Variants in FOLH1 observed in about 807,000 individuals in gnomAD.
FOLH1 encodes glutamate carboxypeptidase 2.
Under a neutral mutation model 93.9 loss-of-function variants are expected in FOLH1, and 54 were observed. That is an observed-to-expected ratio of 0.57 (90% CI 0.46 to 0.72). The LOEUF (loss-of-function observed/expected upper bound fraction) is 0.72. Among genes scored for constraint, FOLH1 ranks in the 30% least tolerant of loss-of-function variants. FOLH1 has a pLI of 0.00. For missense variants in FOLH1, 571 were observed against 892.5 expected, an observed-to-expected ratio of 0.64 and a Z score of 4.59; for synonymous variants, 249 against 303.6, an observed-to-expected ratio of 0.82 and a Z score of 1.87.
At chr11:49,206,592 T>C (rs1252252261) in intron 1 of FOLH1, among the ~76,000 whole-genome samples, 1 of 152,230 alleles carries the variant, frequency 6.6e-6, no homozygotes, top group East Asian at 1.9e-4. Flanking sequence ...TTTAATACAT[T>C]TTTATAACGA....
chr11:49,155,798 A>G (rs1487810547), intron 15 of FOLH1, among the ~76,000 whole-genome samples: 2 of 59,016 alleles, frequency 3.4e-5, no homozygotes, highest in African/African-American at 2.5e-4. Flanking sequence ...TGAAAACCAT[A>G]TATATATATA....
intron 7 of FOLH1, among the ~76,000 whole-genome samples, chr11:49,180,095 A>G (rs970886870): frequency 1.1e-4 from 16 of 152,220 alleles, no homozygotes; most frequent in Non-Finnish European, 1.2e-4. Flanking sequence ...TGTTTACCAA[A>G]GTGTCTTTTG....
intron 13 of FOLH1, 129 bp downstream of exon 13, chr11:49,164,576 T>C (rs1858132052): frequency 1.6e-6 from 1 of 635,268 alleles, no homozygotes; most frequent in South Asian, 1.9e-5. Flanking sequence ...TCTGTGAAGA[T>C]GTGATGTCAT....
chr11:49,203,011 T>C (rs1863449564), intron 2 of FOLH1, among the ~76,000 whole-genome samples: 1 of 152,270 alleles, frequency 6.6e-6, no homozygotes. Flanking sequence ...TGTAAATTCT[T>C]ATTCTTACCT....
chr11:49,175,003 T>TA (rs769045533), intron 8 of FOLH1, 26 bp from the exon 9 acceptor site: 131,583 of 1,092,690 alleles, frequency 0.12, no homozygotes, highest in South Asian at 0.16. Context: ...AAGACATTCT[T>TA]AAAAAAAAAA....
At chr11:49,191,779 G>A (rs1461121042) in intron 4 of FOLH1, among the ~76,000 whole-genome samples, 1 of 152,146 alleles carries the variant, frequency 6.6e-6, no homozygotes, top group Non-Finnish European at 1.5e-5. Context: ...CTCACTGCAA[G>A]CTCCGCCTCC....
chr11:49,201,968 T>C (rs915700965), intron 2 of FOLH1, among the ~76,000 whole-genome samples: 8 of 152,212 alleles, frequency 5.3e-5, no homozygotes, highest in Non-Finnish European at 8.8e-5. Flanking sequence ...ATTATCAGGG[T>C]TGGGACTCAC....
chr11:49,182,143 G>A (rs1285966693), intron 7 of FOLH1, among the ~76,000 whole-genome samples: 1 of 151,688 alleles, frequency 6.6e-6, no homozygotes, highest in Admixed American at 6.6e-5. Flanking sequence ...AGCCTGATCA[G>A]CATGGTGAAA....
At chr11:49,180,539 C>T (rs570406006) in intron 7 of FOLH1, among the ~76,000 whole-genome samples, 5 of 152,272 alleles carry the variant, frequency 3.3e-5, no homozygotes, top group Admixed American at 6.5e-5. Context: ...TTTACTCACA[C>T]ATTTATTAAT....
At chr11:49,178,627 T>C (rs1860374167) in intron 7 of FOLH1, among the ~76,000 whole-genome samples, 1 of 152,170 alleles carries the variant, frequency 6.6e-6, no homozygotes, top group African/African-American at 2.4e-5. Flanking sequence ...TAGGTTCTCT[T>C]TAGGTTCTCT....
chr11:49,170,833 C>G (rs1859172862), intron 11 of FOLH1, among the ~76,000 whole-genome samples: 1 of 152,160 alleles, frequency 6.6e-6, no homozygotes, highest in Admixed American at 6.5e-5. Context: ...TTAAGTCGTT[C>G]ATGTTTGCTA....
chr11:49,205,217 GAAAGA>G (rs1210044454), intron 2 of FOLH1, among the ~76,000 whole-genome samples: 1 of 150,838 alleles, frequency 6.6e-6, no homozygotes, highest in African/African-American at 2.4e-5. Flanking sequence ...AAGAAAAAAG[GAAAGA>G]AAAGAAAAGA....
chr11:49,165,973 A>G (rs1672108108), intron 12 of FOLH1, among the ~76,000 whole-genome samples: 1 of 152,230 alleles, frequency 6.6e-6, no homozygotes, highest in Admixed American at 6.5e-5. Context: ...CCAAATAAAT[A>G]TACTTGTAGC....
chr11:49,146,898 G>T lies in FOLH1; in HGVS notation c.2111C>A (p.Ser704Ter). The T allele has an allele frequency of 1.9e-6, 3 of 1,613,238 alleles. No individual in the cohort carries two copies. The highest frequency in any genetic ancestry group is 2.5e-6 in the Non-Finnish European group (3 of 1,179,488). Residue 704 changes from serine to a stop codon, truncating the protein, a stop_gained, in exon 19 of 19, where the codon TCA becomes TAA. Transcript: ENST00000256999. LOFTEE classifies it high-confidence loss of function. ...CAGAGCATCATAAATTCCTGGGAAT[G>T]ACTCCCCTGCATACTTGTTGTGGCT... ...PSSHNKYAGE[S>*]FPGIYDALFD...
intron 12 of FOLH1, among the ~76,000 whole-genome samples, chr11:49,167,160 T>A (rs1211570914): frequency 6.6e-6 from 1 of 152,256 alleles, no homozygotes; most frequent in Non-Finnish European, 1.5e-5. Flanking sequence ...TATACATGTA[T>A]ATATTTCACC....
rs554306376 is a variant in FOLH1, at chr11:49,163,269, C to T, written c.1440+1436G>A. On this transcript the variant is annotated intron_variant, in intron 13 of 18. Coordinates refer to ENST00000256999, the MANE Select transcript of FOLH1 (RefSeq NM_004476.3). The stretch of plus-strand genomic sequence containing the variant: ...TAAAACCTCTGTTAGCCAGAGAACA[C>T]CAGTGGGGGTAGCCAGAAACCCTAG... 2.6e-5 allele frequency among the ~76,000 whole-genome samples: 4 copies of T among 152,220 alleles called. No individual in the cohort carries two copies. The East Asian group carries it at 7.8e-4, about 30-fold the overall frequency.
intron 15 of FOLH1, among the ~76,000 whole-genome samples, chr11:49,156,251 A>G (rs1857024009): frequency 6.6e-6 from 1 of 152,006 alleles, no homozygotes; most frequent in Non-Finnish European, 1.5e-5. Context: ...AGACTAATAT[A>G]TATATCATTT....
rs556080861 is a variant in FOLH1 at position 49,208,536 on chromosome 11, C to G, written c.-127G>C. 1.6e-6 allele frequency: 1 copy of G among 630,752 alleles called. No homozygotes were observed. The highest frequency in any genetic ancestry group is 3.1e-5 in the Admixed American group (1 of 31,792). The allele number at this position is 630,752 out of a possible 1,614,324, so 39.1% of individuals were successfully genotyped here. ...ACTAATGCCTCGCTTATCAGCCCTG[C>G]AGGCTGGAATTCGCTCCAGACCTGG... On this transcript the variant is annotated 5_prime_UTR_variant, in exon 1 of 19. Coordinates refer to ENST00000256999, the MANE Select transcript of FOLH1 (RefSeq NM_004476.3).
At chr11:49,171,863 T>C (rs1184918617) in intron 10 of FOLH1, among the ~76,000 whole-genome samples, 2 of 152,088 alleles carry the variant, frequency 1.3e-5, no homozygotes, top group Non-Finnish European at 2.9e-5. Context: ...AGGCAAGATC[T>C]TGTTTCAAAC....
Sources: gnomAD v4.1 joint callset for allele counts (sites outside exome capture counted in the v4.1 genomes callset) on GRCh38, gnomAD v4.1.1 for gene constraint, MANE v1.5 for transcripts, NCBI Gene and HGNC (gene_info 2026-07-23, HGNC 2026-07-21) for gene names.